The following JAK1 variants were observed in gnomAD, a reference collection of about 807,000 sequenced individuals.
The protein encoded by JAK1 is Janus kinase 1.
JAK1 carries 16 observed loss-of-function variants against 136.6 expected under a neutral mutation model. The observed-to-expected ratio is 0.12, with a 90% CI of 0.08 to 0.18. JAK1 has a LOEUF of 0.18. Ranked by LOEUF, JAK1 falls within the 10% of genes least tolerant of loss-of-function variation. The probability of loss-of-function intolerance (pLI) is 1.00; values close to 1 mark genes in which losing one functional copy is unlikely to be tolerated. For missense variants in JAK1, 859 were observed against 1,450.1 expected (o/e 0.59, Z 6.62); for synonymous variants, 492 against 519.5 (o/e 0.95, Z 0.72).
At chr1:64,849,875 CAAT>C (rs1293199508) in intron 12 of JAK1, among the ~76,000 whole-genome samples, 51 of 152,292 alleles carry the variant, frequency 3.3e-4, no homozygotes, top group Admixed American at 3.3e-3. Context: ...GAATAGAGAA[CAAT>C]GATGGGCCTT....
intron 1 of JAK1, among the ~76,000 whole-genome samples, chr1:65,056,339 C>T (rs924955997): frequency 6.6e-6 from 1 of 152,168 alleles, no homozygotes; most frequent in African/African-American, 2.4e-5. Flanking sequence ...TCTGGGCCAA[C>T]CAAGTGTGGC....
chr1:64,843,619 C>G (rs1246133846), intron 17 of JAK1, among the ~76,000 whole-genome samples: 1 of 152,176 alleles, frequency 6.6e-6, no homozygotes, highest in Non-Finnish European at 1.5e-5. Context: ...CTACCATACC[C>G]TAAGGCCCTC....
chr1:65,002,146 C>A (rs1646764380), intron 2 of JAK1, among the ~76,000 whole-genome samples: 2 of 152,198 alleles, frequency 1.3e-5, no homozygotes, highest in African/African-American at 4.8e-5. Flanking sequence ...TACACAAACA[C>A]ACACACGTAT....
chr1:65,039,336 G>T (rs997992104), intron 2 of JAK1, among the ~76,000 whole-genome samples: 2 of 152,082 alleles, frequency 1.3e-5, no homozygotes, highest in African/African-American at 4.8e-5. Context: ...TGTTATAAAA[G>T]TTCCTAGTAT....
chr1:65,013,021 G>C (rs1288326143), intron 2 of JAK1, among the ~76,000 whole-genome samples: 4 of 150,490 alleles, frequency 2.7e-5, no homozygotes, highest in Non-Finnish European at 4.4e-5. Flanking sequence ...GCGTGAACCT[G>C]GGAGGCGGAA....
intron 11 of JAK1, among the ~76,000 whole-genome samples, chr1:64,854,848 C>T (rs1201167599): frequency 3.9e-5 from 6 of 152,138 alleles, no homozygotes; most frequent in East Asian, 1.9e-4. Flanking sequence ...TGGCAGCCCC[C>T]GCCCATGCCT....
chr1:64,930,872 A>G (rs1645678647), intron 1 of JAK1, among the ~76,000 whole-genome samples: 1 of 152,190 alleles, frequency 6.6e-6, no homozygotes, highest in African/African-American at 2.4e-5. Context: ...GCTGGAAATC[A>G]TCATTCTCAG....
intron 4 of JAK1, among the ~76,000 whole-genome samples, chr1:64,878,316 C>T (rs1047115112): frequency 6.6e-6 from 1 of 152,086 alleles, no homozygotes; most frequent in African/African-American, 2.4e-5. Context: ...GAAGTACTGA[C>T]TGTCTGTGTC....
intron 2 of JAK1, among the ~76,000 whole-genome samples, chr1:65,007,745 G>GTT: frequency 7.0e-6 from 1 of 141,968 alleles, no homozygotes; most frequent in African/African-American, 2.6e-5. Context: ...TTATAGGTAT[G>GTT]TTTTTTTTTT....
At chr1:64,991,673 CTG>C (rs891319295) in intron 2 of JAK1, 5 of 152,306 alleles carry the variant, frequency 3.3e-5, no homozygotes, top group Middle Eastern at 6.8e-3. Flanking sequence ...AGAAGTAAAA[CTG>C]TATCTCTACG....
intron 12 of JAK1, among the ~76,000 whole-genome samples, chr1:64,849,164 C>T (rs1358515905): frequency 1.3e-5 from 2 of 152,154 alleles, no homozygotes; most frequent in Non-Finnish European, 2.9e-5. Context: ...TGCCTAGCTA[C>T]TTGAGTTCAT....
chr1:64,845,793 G>A (rs1655194531), intron 14 of JAK1, among the ~76,000 whole-genome samples, 153 bp from the exon 15 acceptor site: 1 of 152,184 alleles, frequency 6.6e-6, no homozygotes, highest in Non-Finnish European at 1.5e-5. Flanking sequence ...CTTCAGAGCT[G>A]GAAAGGCCAA....
intron 1 of JAK1, among the ~76,000 whole-genome samples, chr1:65,056,091 G>A (rs529189472): frequency 3.7e-4 from 56 of 152,286 alleles, no homozygotes; most frequent in African/African-American, 1.3e-3. Flanking sequence ...ATTACTTGAG[G>A]ATTCACCAAT....
At chr1:64,982,418 C>T (rs941234154) in intron 2 of JAK1, among the ~76,000 whole-genome samples, 2 of 152,208 alleles carry the variant, frequency 1.3e-5, no homozygotes, top group African/African-American at 2.4e-5. Context: ...TTGGCACCAC[C>T]ATCCATATTC....
intron 2 of JAK1, among the ~76,000 whole-genome samples, chr1:64,973,291 G>T (rs760477183): frequency 2.0e-5 from 3 of 148,350 alleles, no homozygotes; most frequent in Non-Finnish European, 4.5e-5. Context: ...GAAAGAAAGG[G>T]CGAGAAAGAA....
chr1:65,007,682 C>T (rs538370646), intron 2 of JAK1, among the ~76,000 whole-genome samples: 6 of 152,012 alleles, frequency 3.9e-5, no homozygotes, highest in East Asian at 1.9e-4. Flanking sequence ...AGGCTAGTCT[C>T]GAACTCCTGA....
intron 8 of JAK1, among the ~76,000 whole-genome samples, chr1:64,864,321 T>C (rs1210084433): frequency 2.6e-5 from 4 of 152,372 alleles, no homozygotes; most frequent in South Asian, 2.1e-4. Flanking sequence ...TTAAACACCC[T>C]TTCCTCTGTC....
chr1:64,890,427 T>C (rs555014341), intron 1 of JAK1, among the ~76,000 whole-genome samples: 33 of 152,284 alleles, frequency 2.2e-4, no homozygotes, highest in African/African-American at 7.2e-4. Flanking sequence ...TACTAGCAAG[T>C]GTGACCATGA....
chr1:64,847,793 G>C lies in JAK1; in HGVS notation c.1756-118C>G, dbSNP rs997824994. On this transcript the variant is annotated intron_variant, in intron 12 of 24. Transcript: ENST00000342505. ...AATGGGATGGGGCAAAGGCAAGAGGGCTCCCTGCCCCAGCTCGTGGTCCCC... is the reference window on the plus strand; with the variant it reads ...AATGGGATGGGGCAAAGGCAAGAGGCCTCCCTGCCCCAGCTCGTGGTCCCC... The C allele has an allele frequency of 3.5e-6, 4 of 1,146,006 alleles. No homozygotes were observed. In the African/African-American group the frequency reaches 6.2e-5, roughly 18 times the overall value. 71.0% of individuals were successfully genotyped at this position (1,146,006 alleles called of 1,614,324 possible).
Sources: allele counts gnomAD v4.1 joint callset (sites outside exome capture counted in the v4.1 genomes callset), GRCh38; gene constraint gnomAD v4.1.1; transcripts MANE v1.5; gene names NCBI Gene and HGNC (gene_info 2026-07-23, HGNC 2026-07-21).